The following LINGO2 variants were observed in gnomAD, a reference collection of about 807,000 sequenced individuals.
LINGO2 encodes the protein leucine-rich repeat and immunoglobulin-like domain-containing nogo receptor-interacting protein 2.
Under a neutral mutation model 30.6 loss-of-function variants are expected in LINGO2, and 14 were observed. That is an observed-to-expected ratio of 0.46 (90% CI 0.30 to 0.72). The LOEUF is 0.72. Among genes scored for constraint, LINGO2 ranks in the 30% least tolerant of loss-of-function variants. LINGO2 has a pLI of 0.07. For synonymous variants in LINGO2, 317 were observed against 288.5 expected, an observed-to-expected ratio of 1.10 and a Z score of -1.00; for missense variants, 729 against 751.7, an observed-to-expected ratio of 0.97 and a Z score of 0.35.
chr9:28,284,915 A>G (rs1461884402), intron 4 of LINGO2, among the ~76,000 whole-genome samples: 1 of 152,208 alleles, frequency 6.6e-6, no homozygotes, highest in African/African-American at 2.4e-5. Context: ...CTCAAAGTCA[A>G]AACCTGACCA....
At chr9:28,014,066 G>A (rs1822696645) in intron 4 of LINGO2, among the ~76,000 whole-genome samples, 1 of 152,164 alleles carries the variant, frequency 6.6e-6, no homozygotes, top group South Asian at 2.1e-4. Context: ...TCCAGCAAGT[G>A]CAGCCTTTTT....
chr9:29,013,683 T>C, the LINGO2 span, among the ~76,000 whole-genome samples: 1 of 152,138 alleles, frequency 6.6e-6, no homozygotes, highest in African/African-American at 2.4e-5. Context: ...TCAGATTCAA[T>C]TAACATATTT....
At chr9:28,668,877 T>A (rs1021407823) in intron 1 of LINGO2, among the ~76,000 whole-genome samples, 2 of 152,032 alleles carry the variant, frequency 1.3e-5, no homozygotes, top group African/African-American at 4.8e-5. Context: ...TTCCCCTAAT[T>A]CTTTTCACAA....
intron 4 of LINGO2, among the ~76,000 whole-genome samples, chr9:28,124,394 T>C (rs575161303): frequency 6.6e-6 from 1 of 152,330 alleles, no homozygotes; most frequent in East Asian, 1.9e-4. Context: ...TCAATTTTTT[T>C]CCACTGGCAA....
intron 5 of LINGO2, among the ~76,000 whole-genome samples, chr9:27,998,518 C>A (rs995168414): frequency 3.3e-5 from 5 of 152,180 alleles, no homozygotes; most frequent in Admixed American, 6.5e-5. Flanking sequence ...GTGGCTCATG[C>A]CTGTAATCCC....
At chr9:28,257,996 A>T (rs577218087) in intron 4 of LINGO2, among the ~76,000 whole-genome samples, 3 of 152,094 alleles carry the variant, frequency 2.0e-5, no homozygotes, top group Non-Finnish European at 2.9e-5. Flanking sequence ...TAAGCAACCA[A>T]AGCAATACAT....
chr9:28,602,585 TTGA>T (rs1293714309), intron 1 of LINGO2, among the ~76,000 whole-genome samples: 2 of 152,124 alleles, frequency 1.3e-5, no homozygotes, highest in Non-Finnish European at 2.9e-5. Context: ...TGTCAATATG[TTGA>T]TGTTATATTT....
At chr9:28,069,142 T>G (rs545842010) in intron 4 of LINGO2, among the ~76,000 whole-genome samples, 1 of 152,188 alleles carries the variant, frequency 6.6e-6, no homozygotes, top group South Asian at 2.1e-4. Context: ...AAATATTCAC[T>G]GAGAGAGAAG....
the LINGO2 span, among the ~76,000 whole-genome samples, chr9:28,720,209 AT>A: frequency 6.6e-6 from 1 of 151,998 alleles, no homozygotes; most frequent in Non-Finnish European, 1.5e-5. Context: ...CAAGCACTTC[AT>A]TTTTTTATAT....
chr9:28,590,456 A>G (rs184777729), intron 1 of LINGO2, among the ~76,000 whole-genome samples: 4 of 151,524 alleles, frequency 2.6e-5, no homozygotes, highest in Admixed American at 2.6e-4. Flanking sequence ...AACAAATTTA[A>G]AAGAAAAAAA....
chr9:28,110,647 A>C (rs1244337650), intron 4 of LINGO2, among the ~76,000 whole-genome samples: 2 of 152,208 alleles, frequency 1.3e-5, no homozygotes, highest in African/African-American at 4.8e-5. Context: ...ACTCATCATC[A>C]CTGACCATCA....
At chr9:28,197,668 A>G (rs1306165979) in intron 4 of LINGO2, among the ~76,000 whole-genome samples, 1 of 152,026 alleles carries the variant, frequency 6.6e-6, no homozygotes, top group Admixed American at 6.5e-5. Flanking sequence ...GGTTTTTCTA[A>G]GTATAATACT....
intron 2 of LINGO2, among the ~76,000 whole-genome samples, chr9:28,430,317 C>T (rs767692230): frequency 2.0e-5 from 3 of 152,096 alleles, no homozygotes; most frequent in Non-Finnish European, 4.4e-5. Context: ...AAATTTCAAT[C>T]CCAGTCCCTA....
chr9:28,441,634 T>C (rs1051982997), intron 2 of LINGO2, among the ~76,000 whole-genome samples: 2 of 152,166 alleles, frequency 1.3e-5, no homozygotes, highest in Admixed American at 6.5e-5. Context: ...TTTGACATCT[T>C]ATAAGGGCAT....
At chr9:28,808,364 A>T in the LINGO2 span, among the ~76,000 whole-genome samples, 1 of 152,304 alleles carries the variant, frequency 6.6e-6, no homozygotes, top group African/African-American at 2.4e-5. Context: ...TTTTGTTTTC[A>T]ATGACTTTTT....
At chr9:28,951,521 C>A in the LINGO2 span, among the ~76,000 whole-genome samples, 6 of 152,076 alleles carry the variant, frequency 3.9e-5, no homozygotes, top group East Asian at 3.9e-4. Context: ...TTTTTCAAAT[C>A]CTTCCAGAAC....
At chr9:29,018,487 A>T in the LINGO2 span, among the ~76,000 whole-genome samples, 1 of 152,152 alleles carries the variant, frequency 6.6e-6, no homozygotes, top group Admixed American at 6.6e-5. Flanking sequence ...TAATTATAGA[A>T]TATTATTATG....
the LINGO2 span, among the ~76,000 whole-genome samples, chr9:28,752,327 T>C: frequency 1.3e-5 from 2 of 151,958 alleles, no homozygotes; most frequent in African/African-American, 4.8e-5. Context: ...GCACTGTTAA[T>C]TTCCAATCAA....
intron 4 of LINGO2, among the ~76,000 whole-genome samples, chr9:28,018,683 C>A (rs1822962604): frequency 6.6e-6 from 1 of 151,208 alleles, no homozygotes; most frequent in Non-Finnish European, 1.5e-5. Flanking sequence ...ACCAAAAAGT[C>A]AAAAAAAATC....
Sources: gnomAD v4.1 joint callset for allele counts (sites outside exome capture counted in the v4.1 genomes callset) on GRCh38, gnomAD v4.1.1 for gene constraint, MANE v1.5 for transcripts, NCBI Gene and HGNC (gene_info 2026-07-23, HGNC 2026-07-21) for gene names.